Variants in CDH12 observed in about 807,000 individuals in gnomAD.
CDH12 encodes the protein cadherin 12.
A neutral mutation model predicts 74.1 loss-of-function variants in CDH12; 41 were observed. The ratio of observed to expected loss-of-function variants is 0.55; its 90% CI spans 0.43 to 0.72. CDH12 has a LOEUF of 0.72. CDH12 is among the 30% of genes least tolerant of loss of function. The probability of loss-of-function intolerance (pLI) is 0.00; values close to 1 mark genes in which losing one functional copy is unlikely to be tolerated. For synonymous variants in CDH12, 399 were observed against 355.0 expected (o/e 1.12, Z -1.39); for missense variants, 945 against 977.2 (o/e 0.97, Z 0.44).
intron 7 of CDH12, among the ~76,000 whole-genome samples, chr5:21,848,605 C>T (rs538376678): frequency 6.6e-6 from 1 of 151,976 alleles, no homozygotes; most frequent in South Asian, 2.1e-4. Context: ...TTATGTTCAT[C>T]ATTGCATTTG....
At chr5:22,408,442 G>T (rs1743031663) in intron 2 of CDH12, among the ~76,000 whole-genome samples, 1 of 151,348 alleles carries the variant, frequency 6.6e-6, no homozygotes, top group East Asian at 1.9e-4. Flanking sequence ...GTCAAACTCA[G>T]TTTTAAGACA....
intron 6 of CDH12, among the ~76,000 whole-genome samples, chr5:21,948,470 C>T (rs564516995): frequency 6.6e-6 from 1 of 152,184 alleles, no homozygotes; most frequent in African/African-American, 2.4e-5. Context: ...TGACTAATTT[C>T]TCCAATTTGG....
chr5:22,640,431 C>T (rs1013925379), intron 1 of CDH12, among the ~76,000 whole-genome samples: 1 of 152,162 alleles, frequency 6.6e-6, no homozygotes, highest in African/African-American at 2.4e-5. Context: ...CACAATCCTA[C>T]TCTGTTTACG....
chr5:22,347,519 G>T (rs893270198), intron 3 of CDH12, among the ~76,000 whole-genome samples: 3 of 152,094 alleles, frequency 2.0e-5, no homozygotes, highest in African/African-American at 7.2e-5. Context: ...TTGGGATGCC[G>T]CCTGGCTTCC....
At chr5:22,794,710 G>T (rs1479508662) in intron 1 of CDH12, among the ~76,000 whole-genome samples, 1 of 152,160 alleles carries the variant, frequency 6.6e-6, no homozygotes, top group African/African-American at 2.4e-5. Context: ...AAATGCAGAG[G>T]TGTCCATGTC....
chr5:22,313,968 A>AT lies in CDH12; in HGVS notation c.-333+91288dup, dbSNP rs201814888. 4.3e-4 allele frequency among the ~76,000 whole-genome samples: 66 copies of AT among 152,326 alleles called. No homozygotes were observed. The East Asian group carries it at 0.011, about 26-fold the overall frequency. On this transcript the variant is annotated intron_variant, in intron 3 of 14. Transcript: ENST00000382254. ...CACTTGTACCCCAAAAGCTATTGAA[A>AT]TAAAAAAAAGAAAAAAGCTCACTCT...
intron 3 of CDH12, among the ~76,000 whole-genome samples, chr5:22,273,885 T>C (rs569611057): frequency 4.1e-4 from 62 of 152,304 alleles, no homozygotes; most frequent in African/African-American, 1.5e-3. Flanking sequence ...AAGCATTCTA[T>C]CTTTTCTCAT....
chr5:22,076,327 A>G (rs1179482887), intron 5 of CDH12, among the ~76,000 whole-genome samples: 3 of 152,182 alleles, frequency 2.0e-5, no homozygotes. Flanking sequence ...ACTTGCATAT[A>G]CAATCCCATG....
chr5:22,108,006 C>T (rs1744586212), intron 4 of CDH12, among the ~76,000 whole-genome samples: 2 of 152,110 alleles, frequency 1.3e-5, no homozygotes, highest in Non-Finnish European at 2.9e-5. Context: ...TGGAACTGAG[C>T]AATATTTTTA....
chr5:21,898,819 G>A (rs1303642138), intron 6 of CDH12, among the ~76,000 whole-genome samples: 1 of 152,134 alleles, frequency 6.6e-6, no homozygotes, highest in African/African-American at 2.4e-5. Flanking sequence ...GCTGAATGGA[G>A]AGATGTAATC....
At chr5:22,137,844 G>C (rs973685464) in intron 4 of CDH12, among the ~76,000 whole-genome samples, 1 of 152,116 alleles carries the variant, frequency 6.6e-6, no homozygotes, top group Non-Finnish European at 1.5e-5. Flanking sequence ...GGTTAGGCTG[G>C]AGAAGCACCT....
chr5:21,822,451 G>A (rs984349311), intron 8 of CDH12, among the ~76,000 whole-genome samples: 2 of 151,906 alleles, frequency 1.3e-5, no homozygotes, highest in African/African-American at 4.8e-5. Context: ...TTTTGGTGGT[G>A]GAAGAACATT....
At chr5:22,363,705 G>T (rs1010875378) in intron 3 of CDH12, among the ~76,000 whole-genome samples, 17 of 152,080 alleles carry the variant, frequency 1.1e-4, no homozygotes, top group African/African-American at 4.1e-4. Context: ...AGTGAAACAA[G>T]AATCTCATAG....
At chr5:22,445,960 C>T (rs551358423) in intron 2 of CDH12, among the ~76,000 whole-genome samples, 1 of 152,256 alleles carries the variant, frequency 6.6e-6, no homozygotes, top group South Asian at 2.1e-4. Context: ...ACACTTCTAG[C>T]ATCTTTCCAC....
chr5:22,337,464 T>C (rs1739645204), intron 3 of CDH12, among the ~76,000 whole-genome samples: 1 of 152,104 alleles, frequency 6.6e-6, no homozygotes, highest in Admixed American at 6.6e-5. Context: ...GGAAGGACCT[T>C]GTGGGGGATG....
chr5:22,611,381 AG>A (rs1271190524), intron 1 of CDH12, among the ~76,000 whole-genome samples: 3 of 152,294 alleles, frequency 2.0e-5, no homozygotes, highest in African/African-American at 7.2e-5. Context: ...AAGCAAATTT[AG>A]TCAATTCTGG....
intron 2 of CDH12, among the ~76,000 whole-genome samples, chr5:22,425,429 G>C (rs1017676124): frequency 6.6e-6 from 1 of 151,246 alleles, no homozygotes. Flanking sequence ...ATCAATGGGA[G>C]ATCTGGCAGT....
intron 2 of CDH12, among the ~76,000 whole-genome samples, chr5:22,436,470 G>A (rs2126532272): frequency 6.6e-6 from 1 of 151,180 alleles, no homozygotes; most frequent in African/African-American, 2.4e-5. Context: ...GCAAAATCAA[G>A]AATAAAGTGG....
At chr5:22,626,230 C>A (rs898071411) in intron 1 of CDH12, among the ~76,000 whole-genome samples, 1 of 152,174 alleles carries the variant, frequency 6.6e-6, no homozygotes, top group African/African-American at 2.4e-5. Context: ...CAGTGCCCTG[C>A]CCCCAGCTGA....
Sources: gnomAD v4.1 joint callset for allele counts (sites outside exome capture counted in the v4.1 genomes callset) on GRCh38, gnomAD v4.1.1 for gene constraint, MANE v1.5 for transcripts, NCBI Gene and HGNC (gene_info 2026-07-23, HGNC 2026-07-21) for gene names.